DCC: variants seen among roughly 807,000 people sequenced by gnomAD.
DCC encodes the protein DCC netrin 1 receptor.
A neutral mutation model predicts 172.5 loss-of-function variants in DCC; 58 were observed. The observed-to-expected ratio is 0.34, with a 90% CI of 0.27 to 0.42. The LOEUF (loss-of-function observed/expected upper bound fraction) is 0.42, where lower values mean the gene tolerates loss of function less well. Among genes scored for constraint, DCC ranks in the 10% least tolerant of loss-of-function variants. DCC has a pLI of 1.00. For synonymous variants in DCC, 709 were observed against 644.5 expected, an observed-to-expected ratio of 1.10 and a Z score of -1.52; for missense variants, 1,740 against 1,791.0, an observed-to-expected ratio of 0.97 and a Z score of 0.51.
chr18:52,904,353 A>T (rs1430514236), intron 2 of DCC, among the ~76,000 whole-genome samples: 1 of 152,176 alleles, frequency 6.6e-6, no homozygotes, highest in Non-Finnish European at 1.5e-5. Context: ...TATATTTCAT[A>T]GATTCAGTTA....
chr18:52,719,456 C>T lies in DCC; in HGVS notation c.92-32598C>T, dbSNP rs80317860. 8.6e-3 allele frequency among the ~76,000 whole-genome samples: 1,310 copies of T among 152,220 alleles called. 20 individuals carry two copies. Among genetic ancestry groups the T allele is most frequent in the African/African-American group, 0.03 (1,237 of 41,526 alleles). Reference sequence around the variant, plus strand: ...GTGAGGGCTCCGACGGGGAGGTTATCCACACGTCCATTCGTTCAGTGAATT... The same window carrying T: ...GTGAGGGCTCCGACGGGGAGGTTATTCACACGTCCATTCGTTCAGTGAATT... On this transcript the variant is annotated intron_variant, in intron 1 of 28. Coordinates refer to ENST00000442544, the MANE Select transcript of DCC (RefSeq NM_005215.4).
At chr18:52,709,601 C>A (rs2036262249) in intron 1 of DCC, among the ~76,000 whole-genome samples, 2 of 152,172 alleles carry the variant, frequency 1.3e-5, no homozygotes, top group South Asian at 4.1e-4. Context: ...ATCTTTCAAT[C>A]TCCCAACACC....
At chr18:53,395,668 A>C (rs1053965386) in intron 17 of DCC, among the ~76,000 whole-genome samples, 3 of 152,144 alleles carry the variant, frequency 2.0e-5, no homozygotes, top group African/African-American at 7.2e-5. Context: ...TTTAAGATGG[A>C]GTCTCGCTCT....
At chr18:53,298,152 C>T (rs1360261644) in intron 12 of DCC, among the ~76,000 whole-genome samples, 3 of 152,104 alleles carry the variant, frequency 2.0e-5, no homozygotes, top group Non-Finnish European at 1.5e-5. Flanking sequence ...TAATTAAGTT[C>T]TCCAGGCTTA....
At chr18:52,858,318 AAGC>A (rs555986103) in intron 2 of DCC, among the ~76,000 whole-genome samples, 1 of 152,162 alleles carries the variant, frequency 6.6e-6, no homozygotes, top group Non-Finnish European at 1.5e-5. Flanking sequence ...AGATCATTGT[AAGC>A]AGCAGCAGCA....
At chr18:52,412,848 T>G (rs187797284) in intron 1 of DCC, among the ~76,000 whole-genome samples, 117 of 152,262 alleles carry the variant, frequency 7.7e-4, no homozygotes, top group Non-Finnish European at 1.4e-3. Flanking sequence ...CTTTTGCATT[T>G]TACAGATAAT....
intron 24 of DCC, 47 bp downstream of exon 24, chr18:53,459,505 C>T (rs779615886): frequency 3.7e-5 from 48 of 1,296,216 alleles, no homozygotes; most frequent in Non-Finnish European, 5.4e-5. Context: ...CATTCTGAAC[C>T]CAAGGGAGTT....
intron 1 of DCC, among the ~76,000 whole-genome samples, chr18:52,674,793 G>A (rs779335912): frequency 7.2e-5 from 11 of 152,162 alleles, no homozygotes; most frequent in South Asian, 4.1e-4. Flanking sequence ...CCATCTGAAC[G>A]GACTTTCTCC....
chr18:53,226,934 G>A (rs564900606), intron 12 of DCC, among the ~76,000 whole-genome samples: 8,522 of 68,178 alleles, frequency 0.12, 1,120 homozygotes, highest in African/African-American at 0.16. Context: ...GTGTGTGTGT[G>A]TATATATATA....
intron 8 of DCC, among the ~76,000 whole-genome samples, chr18:53,170,339 A>G (rs906586301): frequency 6.6e-6 from 1 of 152,182 alleles, no homozygotes; most frequent in Non-Finnish European, 1.5e-5. Context: ...CATTATTGGA[A>G]CTTGTTCAAT....
intron 21 of DCC, 52 bp downstream of exon 21, chr18:53,416,208 T>C: frequency 3.9e-6 from 5 of 1,286,538 alleles, no homozygotes; most frequent in African/African-American, 1.5e-5. Context: ...TCCTGTCTGT[T>C]AGACATGTCA....
chr18:52,950,156 A>G (rs1369605940), intron 5 of DCC, among the ~76,000 whole-genome samples: 2 of 152,124 alleles, frequency 1.3e-5, no homozygotes, highest in Non-Finnish European at 2.9e-5. Context: ...ACTTCTCTCC[A>G]TCAAATTTTT....
At chr18:53,182,513 C>T (rs1038898830) in intron 9 of DCC, among the ~76,000 whole-genome samples, 10 of 152,130 alleles carry the variant, frequency 6.6e-5, no homozygotes, top group African/African-American at 2.4e-4. Flanking sequence ...TTTACATGTG[C>T]AAGAGAGTTA....
At chr18:52,845,357 G>A (rs2038868208) in intron 2 of DCC, among the ~76,000 whole-genome samples, 2 of 152,192 alleles carry the variant, frequency 1.3e-5, no homozygotes, top group African/African-American at 4.8e-5. Flanking sequence ...AAAAGTTAAT[G>A]TAATTATCCC....
chr18:53,207,834 GA>G lies in DCC; in HGVS notation c.1861+20del. ...TTTCTGACGGTAAGTTAAAAACAGT[GA>G]AACTCCTTTTACATATTTGACATAA... On this transcript the variant is annotated intron_variant, in intron 11 of 28. Transcript: ENST00000442544. 1 of 1,593,126 alleles carries G rather than the reference GA, an allele frequency of 6.3e-7. No homozygotes were observed. The highest frequency in any genetic ancestry group is 8.6e-7 in the Non-Finnish European group (1 of 1,161,204).
intron 9 of DCC, among the ~76,000 whole-genome samples, chr18:53,202,000 G>A (rs983268203): frequency 2.0e-5 from 3 of 152,164 alleles, no homozygotes; most frequent in African/African-American, 7.2e-5. Flanking sequence ...TACTGTCTGT[G>A]TATATGTATA....
chr18:52,502,630 G>C (rs2031070596), intron 1 of DCC, among the ~76,000 whole-genome samples: 1 of 152,162 alleles, frequency 6.6e-6, no homozygotes, highest in African/African-American at 2.4e-5. Context: ...TATAGAAATA[G>C]CAGGGTTGCA....
At chr18:53,126,629 C>T (rs889473908) in intron 7 of DCC, among the ~76,000 whole-genome samples, 2 of 152,048 alleles carry the variant, frequency 1.3e-5, no homozygotes, top group Non-Finnish European at 2.9e-5. Context: ...CAGATAAATA[C>T]AAAATATTTG....
At position 53,339,780 on chromosome 18, in the gene DCC, T is replaced by C. The variant is rs1387619009; in HGVS notation, c.2232T>C (p.Ser744=). 6.2e-7 allele frequency: 1 copy of C among 1,613,984 alleles called. No homozygotes were observed. Among genetic ancestry groups the C allele is most frequent in the Admixed American group, 1.7e-5 (1 of 59,962 alleles). The part of the protein sequence containing the change: ...VRPQTNCIIM[S]WTPPLNPNIV... ...CCCAGACTAACTGCATCATCATGAG[T>C]TGGACTCCTCCCTTGAACCCAAACA... The change falls in exon 15 of 29, where the codon AGT becomes AGC. Residue 744 remains serine, a synonymous_variant. Transcript: ENST00000442544.
Sources: allele counts gnomAD v4.1 joint callset (sites outside exome capture counted in the v4.1 genomes callset), GRCh38; gene constraint gnomAD v4.1.1; transcripts MANE v1.5; gene names NCBI Gene and HGNC (gene_info 2026-07-23, HGNC 2026-07-21).